Variants in FYCO1 observed in about 807,000 individuals in gnomAD.
FYCO1 encodes FYVE and coiled-coil domain-containing protein 1.
FYCO1 carries 122 observed loss-of-function variants against 165.1 expected under a neutral mutation model. The ratio of observed to expected loss-of-function variants is 0.74; its 90% confidence interval spans 0.64 to 0.86. The LOEUF is 0.86. FYCO1 is among the 40% of genes least tolerant of loss of function. The pLI is 0.00. For missense variants in FYCO1, 1,702 were observed against 1,810.3 expected, an observed-to-expected ratio of 0.94 and a Z score of 1.09; for synonymous variants, 648 against 742.5, an observed-to-expected ratio of 0.87 and a Z score of 2.07.
Position 45,964,467 on chromosome 3 carries a change from G to T in FYCO1, c.3151-13C>A. 1 of 1,613,724 alleles carries T rather than the reference G, an allele frequency of 6.2e-7. No homozygotes were observed. The highest frequency in any genetic ancestry group is 1.1e-5 in the South Asian group (1 of 91,056). On this transcript the variant is annotated splice_polypyrimidine_tract_variant and intron_variant, in intron 9 of 17. Transcript: ENST00000296137. The surrounding 1 kb of genome is among the most constrained non-coding windows in gnomAD (Gnocchi z 4.1). ...CTGCTTGGGTGGCCTGGCACAGGAC[G>T]TCAGGGAGAAGACACTCAGCTTGCA...
intron 14 of FYCO1, among the ~76,000 whole-genome samples, chr3:45,940,411 C>A (rs969490500): frequency 6.6e-6 from 1 of 152,148 alleles, no homozygotes; most frequent in African/African-American, 2.4e-5. Flanking sequence ...GCAGTTTAAC[C>A]GGTATGTGAC....
intron 16 of FYCO1, among the ~76,000 whole-genome samples, chr3:45,925,036 TCTC>T (rs1357036575): frequency 6.6e-6 from 1 of 152,046 alleles, no homozygotes; most frequent in Non-Finnish European, 1.5e-5. Context: ...TTCAAGCAAT[TCTC>T]CTGCCTCAGC....
At chr3:45,976,208 C>T (rs899580352) in intron 4 of FYCO1, among the ~76,000 whole-genome samples, 3 of 152,152 alleles carry the variant, frequency 2.0e-5, no homozygotes, top group Middle Eastern at 3.2e-3. Flanking sequence ...AGAGCTTATA[C>T]CTAAAATCCA....
Position 45,918,445 on chromosome 3 carries a change from G to A in FYCO1, c.*3320C>T, listed in dbSNP as rs551696886. 3.3e-5 allele frequency: 5 copies of A among 152,254 alleles called. 1 individual carries two copies. The East Asian group carries it at 7.7e-4, about 23-fold the overall frequency. The allele number at this position is 152,254 out of a possible 1,614,324, so 9.4% of individuals were successfully genotyped here. On this transcript the variant is annotated 3_prime_UTR_variant, in exon 18 of 18. Coordinates refer to ENST00000296137, the MANE Select transcript of FYCO1 (RefSeq NM_024513.4). ...TTTTGTAAACAAGAATGGCCGTCTC[G>A]ATGGTCTTTGTGTACATGACCATCC...
At chr3:45,924,843 C>T (rs1457745577) in intron 16 of FYCO1, among the ~76,000 whole-genome samples, 2 of 152,076 alleles carry the variant, frequency 1.3e-5, no homozygotes, top group African/African-American at 4.8e-5. Flanking sequence ...GAACTCCTGA[C>T]CTCAGGTGAT....
chr3:45,940,752 T>G (rs1448861664), intron 14 of FYCO1, among the ~76,000 whole-genome samples: 2 of 152,120 alleles, frequency 1.3e-5, no homozygotes, highest in East Asian at 3.9e-4. Flanking sequence ...CCTCAGTCTC[T>G]CCCTCTGCCT....
At position 45,979,840 on chromosome 3, in the gene FYCO1, G is replaced by A; in HGVS notation, c.163-10C>T. On this transcript the variant is annotated splice_polypyrimidine_tract_variant and intron_variant, in intron 3 of 17. Coordinates refer to ENST00000296137, the MANE Select transcript of FYCO1 (RefSeq NM_024513.4). ...TCTCTTTCTGATCAAACTGGGTAGG[G>A]AAAGGGAAAGGGAGAGGAGGTCCAA... The A allele has an allele frequency of 1.2e-6, 2 of 1,613,488 alleles. No homozygotes were observed. The highest frequency in any genetic ancestry group is 8.5e-7 in the Non-Finnish European group (1 of 1,179,622).
At position 45,967,300 on chromosome 3, in the gene FYCO1, C is replaced by T. The variant is rs1432771863; in HGVS notation, c.2034G>A (p.Glu678=). 6.2e-7 allele frequency: 1 copy of T among 1,613,904 alleles called. No homozygotes were observed. The highest frequency in any genetic ancestry group is 1.7e-5 in the Admixed American group (1 of 60,030). ...CCTTCCTTACAGCCAGCAAGCTCGC[C>T]TCCATCTGGTCACCCAAGTGCCGGA... ...ASIRHLGDQM[E]ASLLAVRKAK... is the part of the protein sequence containing the mutation. Residue 678 remains glutamate, a synonymous_variant, in exon 8 of 18, where the codon GAG becomes GAA. Transcript: ENST00000296137.
intron 16 of FYCO1, among the ~76,000 whole-genome samples, chr3:45,925,094 TA>T (rs1703260223): frequency 6.6e-6 from 1 of 152,020 alleles, no homozygotes. Context: ...CACACCCAGC[TA>T]ATTTTTGTAT....
rs748287654 is a variant in FYCO1, at chr3:45,981,608, A to G, written c.124T>C (p.Leu42=). The G allele has an allele frequency of 6.2e-7, 1 of 1,613,964 alleles. No homozygotes were observed. Among genetic ancestry groups the G allele is most frequent in the East Asian group, 2.2e-5 (1 of 44,882 alleles). Residue 42 remains leucine, a synonymous_variant, in exon 3 of 18, where the codon TTG becomes CTG. Coordinates refer to ENST00000296137, the MANE Select transcript of FYCO1 (RefSeq NM_024513.4). ...GEPITDDSTS[L]HKFSYKLEYL... ...TCAAGTTTATAAGAAAATTTATGCA[A>G]GCTGGTGCTGTCATCCGTGATGGGT...
intron 15 of FYCO1, 34 bp from the exon 16 acceptor site, chr3:45,931,315 C>G (rs772698716): frequency 6.2e-7 from 1 of 1,602,552 alleles, no homozygotes; most frequent in Non-Finnish European, 8.5e-7. Context: ...ACCTGATTGA[C>G]TGGGCAAAGT....
rs1559457695 is a variant in FYCO1 at position 45,964,358 on chromosome 3, C to A, written c.3247G>T (p.Ala1083Ser). ...AACCTTTCTAGGTCTTCACGCAGGG[C>A]AGCCCCCTCCTTGTCCTTCCTCAGC... is the stretch of plus-strand genomic sequence containing the variant. ...AMLRKDKEGA[A>S]LREDLERTQK... The change falls in exon 10 of 18, where the codon GCC becomes TCC. Residue 1083 changes from alanine (A) to serine (S), a missense_variant. Physicochemically the swap from Ala to Ser is moderately conservative, Grantham distance 99. Transcript: ENST00000296137. The surrounding 1 kb of genome is among the most constrained non-coding windows in gnomAD (Gnocchi z 4.1). 1 of 1,614,020 alleles carries A rather than the reference C, an allele frequency of 6.2e-7. No homozygotes were observed. The highest frequency in any genetic ancestry group is 8.5e-7 in the Non-Finnish European group (1 of 1,179,848).
At position 45,962,410 on chromosome 3, in the gene FYCO1, A is replaced by G. The variant is rs1050583027; in HGVS notation, c.3270-18T>C. On this transcript the variant is annotated intron_variant, in intron 10 of 17. Coordinates refer to ENST00000296137, the MANE Select transcript of FYCO1 (RefSeq NM_024513.4). The surrounding 1 kb of genome is among the most constrained non-coding windows in gnomAD (Gnocchi z 4.4). ...TCTGGGTCCTGGGGGAGGAGTGGTA[A>G]GTTTTCTTGATTAGCCAGGACTTCC... 1.2e-6 allele frequency: 2 copies of G among 1,613,124 alleles called. No homozygotes were observed. The highest frequency in any genetic ancestry group is 2.7e-5 in the African/African-American group (2 of 74,792).
At chr3:45,946,825 C>A in intron 14 of FYCO1, 1 of 1,614,200 alleles carries the variant, frequency 6.2e-7, no homozygotes, top group Middle Eastern at 1.6e-4. Context: ...AACTTCTACA[C>A]GTCCATGCTC....
chr3:45,940,260 A>G (rs1015381034), intron 14 of FYCO1, among the ~76,000 whole-genome samples: 32 of 152,152 alleles, frequency 2.1e-4, no homozygotes, highest in African/African-American at 7.7e-4. Flanking sequence ...CTGTCTCTCT[A>G]AAATAACTGG....
At chr3:45,975,466 C>T (rs747012075) in intron 4 of FYCO1, 121 bp from the exon 5 acceptor site, 102 of 730,586 alleles carry the variant, frequency 1.4e-4, no homozygotes, top group South Asian at 5.4e-4. Flanking sequence ...CAATTTTACC[C>T]TATACGTTGT....
intron 4 of FYCO1, among the ~76,000 whole-genome samples, chr3:45,977,715 G>A (rs527445460): frequency 6.6e-6 from 1 of 152,184 alleles, no homozygotes; most frequent in African/African-American, 2.4e-5. Context: ...CACAGTCCAA[G>A]CTGAGCCCAT....
chr3:45,938,679 A>G (rs1287716287), intron 14 of FYCO1, among the ~76,000 whole-genome samples: 4 of 152,192 alleles, frequency 2.6e-5, no homozygotes, highest in Non-Finnish European at 5.9e-5. Context: ...TTTTTAGTAG[A>G]TACGGGGTTT....
chr3:45,966,932 G>A lies in FYCO1; in HGVS notation c.2402C>T (p.Ala801Val). The change falls in exon 8 of 18, where the codon GCA becomes GTA. Residue 801 changes from alanine to valine, a missense_variant. Coordinates refer to ENST00000296137, the MANE Select transcript of FYCO1 (RefSeq NM_024513.4). The stretch of plus-strand genomic sequence containing the variant: ...CACCTTGTCCTGGTCATCCAGGGCT[G>A]CCCGCATCTTGGCCTGGAGGTCCAC... ...QVVDLQAKMRAALDDQDKVQS... is the reference protein window; with the variant it reads ...QVVDLQAKMRVALDDQDKVQS... 2.5e-6 allele frequency: 4 copies of A among 1,613,724 alleles called. No homozygotes were observed. The highest frequency in any genetic ancestry group is 2.5e-6 in the Non-Finnish European group (3 of 1,180,020).
Sources: allele counts gnomAD v4.1 joint callset (sites outside exome capture counted in the v4.1 genomes callset), GRCh38; gene constraint gnomAD v4.1.1; non-coding constraint Gnocchi (gnomAD v3.1); transcripts MANE v1.5; gene names NCBI Gene and HGNC (gene_info 2026-07-23, HGNC 2026-07-21).